Variants in SH3GL2 observed in about 807,000 individuals in gnomAD.
SH3GL2 encodes the protein SH3 domain containing GRB2 like 2, endophilin A1.
SH3GL2 carries 24 observed loss-of-function variants against 46.0 expected under a neutral mutation model. That is an observed-to-expected ratio of 0.52 (90% CI 0.38 to 0.73). The LOEUF is 0.73. SH3GL2 is among the 30% of genes least tolerant of loss of function. SH3GL2 has a pLI of 0.00. For synonymous variants in SH3GL2, 196 were observed against 147.1 expected (o/e 1.33, Z -2.40); for missense variants, 413 against 424.2 (o/e 0.97, Z 0.23).
chr9:17,739,703 G>T (rs1822468652), intron 1 of SH3GL2, among the ~76,000 whole-genome samples: 1 of 152,166 alleles, frequency 6.6e-6, no homozygotes, highest in African/African-American at 2.4e-5. Context: ...GAAACTGTGG[G>T]TAATATGTAG....
chr9:17,579,173 C>T lies in SH3GL2; in HGVS notation c.-70C>T. ...AGGCGGCCAGGGGAGCGCGCCGCCC[C>T]GCTCGGCCCTCCAGTCCCCCTCCGC... On this transcript the variant is annotated 5_prime_UTR_variant, in exon 1 of 9. Transcript: ENST00000380607. 1.7e-6 allele frequency: 2 copies of T among 1,193,918 alleles called. No individual in the cohort carries two copies. The highest frequency in any genetic ancestry group is 2.9e-5 in the South Asian group (2 of 69,218). The allele number at this position is 1,193,918 out of a possible 1,614,324, so 74.0% of individuals were successfully genotyped here. A position where few individuals can be genotyped will look rare whatever the true frequency, so the allele number is the denominator to read the frequency against.
At chr9:17,736,818 T>C (rs1822350350) in intron 1 of SH3GL2, among the ~76,000 whole-genome samples, 1 of 152,112 alleles carries the variant, frequency 6.6e-6, no homozygotes. Flanking sequence ...GTACTTTTCA[T>C]GAGCATTGCC....
At chr9:17,760,454 A>G (rs867011854) in intron 2 of SH3GL2, among the ~76,000 whole-genome samples, 1 of 151,988 alleles carries the variant, frequency 6.6e-6, no homozygotes, top group East Asian at 1.9e-4. Context: ...ATATATTGGT[A>G]TATACTGATA....
rs182982195 is a variant in SH3GL2 at position 17,728,763 on chromosome 9, A to G, written c.46-18303A>G. Among the ~76,000 whole-genome samples, 77 of 152,238 alleles carry G rather than the reference A, an allele frequency of 5.1e-4. No individual in the cohort carries two copies. The Middle Eastern group carries it at 0.014, about 27-fold the overall frequency. On this transcript the variant is annotated intron_variant, in intron 1 of 8. Coordinates refer to ENST00000380607, the MANE Select transcript of SH3GL2 (RefSeq NM_003026.5). ...TTCTAGTGTTGGTTTGCTGAGAATGATGGTTTCCATCCTCATCCATGTCTC... is the reference window on the plus strand; with the variant it reads ...TTCTAGTGTTGGTTTGCTGAGAATGGTGGTTTCCATCCTCATCCATGTCTC...
intron 1 of SH3GL2, among the ~76,000 whole-genome samples, chr9:17,713,875 A>G (rs1821687729): frequency 1.3e-5 from 2 of 151,684 alleles, no homozygotes; most frequent in African/African-American, 4.8e-5. Flanking sequence ...GGAGTCTTTT[A>G]TAAATGTTAA....
rs957245511 is a variant in SH3GL2, at chr9:17,727,071, G to T, written c.46-19995G>T. ...CATAAAACAACCCAAATAGGTATCA[G>T]TGGGGAAATGGAGAAGTAAATGTTA... On this transcript the variant is annotated intron_variant, in intron 1 of 8. Transcript: ENST00000380607. Among the ~76,000 whole-genome samples the T allele has an allele frequency of 3.3e-5, 5 of 152,156 alleles. No individual in the cohort carries two copies. In the East Asian group the frequency reaches 9.7e-4, roughly 29 times the overall value.
Position 17,777,885 on chromosome 9 carries a change from C to G in SH3GL2, c.188-8496C>G, listed in dbSNP as rs146620771. Reference sequence around the variant, plus strand: ...GCAGTCTTCTTACCTTTTTTACATTCATCACTTACCAACTCTATTCCTTTA... The same window carrying G: ...GCAGTCTTCTTACCTTTTTTACATTGATCACTTACCAACTCTATTCCTTTA... On this transcript the variant is annotated intron_variant, in intron 3 of 8. Transcript: ENST00000380607. 2.0e-3 allele frequency among the ~76,000 whole-genome samples: 299 copies of G among 152,108 alleles called. 2 individuals are homozygous for G. The highest frequency in any genetic ancestry group is 6.7e-3 in the African/African-American group (276 of 41,500).
At chr9:17,743,936 T>G (rs1021099942) in intron 1 of SH3GL2, among the ~76,000 whole-genome samples, 1 of 152,212 alleles carries the variant, frequency 6.6e-6, no homozygotes, top group Non-Finnish European at 1.5e-5. Flanking sequence ...TGTGTGTCTG[T>G]TTTTTAAATG....
rs557597701 is a variant in SH3GL2 at position 17,679,101 on chromosome 9, A to T, written c.46-67965A>T. ...GCTTTGTTCTTTTGGCTTAGGATTGACTTGGCAATGCGGGCTCTTTTTTGG... is the reference window on the plus strand; with the variant it reads ...GCTTTGTTCTTTTGGCTTAGGATTGTCTTGGCAATGCGGGCTCTTTTTTGG... On this transcript the variant is annotated intron_variant, in intron 1 of 8. Coordinates refer to ENST00000380607, the MANE Select transcript of SH3GL2 (RefSeq NM_003026.5). Among the ~76,000 whole-genome samples, 1,018 of 152,140 alleles carry T rather than the reference A, an allele frequency of 6.7e-3. 18 individuals are homozygous for T. The highest frequency in any genetic ancestry group is 0.024 in the African/African-American group (976 of 41,500).
chr9:17,753,540 AT>A (rs1822906884), intron 2 of SH3GL2, among the ~76,000 whole-genome samples: 1 of 152,082 alleles, frequency 6.6e-6, no homozygotes. Flanking sequence ...TTTCTTGTAA[AT>A]TTCTTTAAGT....
At chr9:17,668,555 A>C (rs930797828) in intron 1 of SH3GL2, among the ~76,000 whole-genome samples, 3 of 152,214 alleles carry the variant, frequency 2.0e-5, no homozygotes, top group African/African-American at 7.2e-5. Flanking sequence ...GAGCTAAAGA[A>C]AGTTTTTTCC....
intron 5 of SH3GL2, among the ~76,000 whole-genome samples, chr9:17,788,540 A>G (rs1824027476): frequency 6.6e-6 from 1 of 152,116 alleles, no homozygotes; most frequent in Non-Finnish European, 1.5e-5. Flanking sequence ...ATCCATTAGT[A>G]GTGAAAGACT....
chr9:17,759,969 C>G (rs1414818647), intron 2 of SH3GL2, among the ~76,000 whole-genome samples: 1 of 152,146 alleles, frequency 6.6e-6, no homozygotes, highest in Non-Finnish European at 1.5e-5. Context: ...TGATCCATTT[C>G]CCTGGCATAA....
At chr9:17,783,041 C>G (rs952397838) in intron 3 of SH3GL2, among the ~76,000 whole-genome samples, 6 of 152,126 alleles carry the variant, frequency 3.9e-5, no homozygotes, top group Non-Finnish European at 8.8e-5. Context: ...CCAGAACACA[C>G]ACACAGACAG....
chr9:17,711,415 G>A (rs1237415062), intron 1 of SH3GL2, among the ~76,000 whole-genome samples: 2 of 151,790 alleles, frequency 1.3e-5, no homozygotes, highest in Non-Finnish European at 2.9e-5. Context: ...AATCCAGAAA[G>A]CGAACAGAAT....
intron 1 of SH3GL2, among the ~76,000 whole-genome samples, chr9:17,587,486 A>G (rs1818401086): frequency 6.6e-6 from 1 of 152,198 alleles, no homozygotes; most frequent in African/African-American, 2.4e-5. Context: ...ATAACTTTTC[A>G]GTCAACTTCC....
intron 1 of SH3GL2, among the ~76,000 whole-genome samples, chr9:17,610,042 C>T (rs1474654092): frequency 6.6e-6 from 1 of 151,818 alleles, no homozygotes; most frequent in East Asian, 1.9e-4. Flanking sequence ...TTTCCTAAAT[C>T]GGTCAATGTA....
At chr9:17,706,536 G>A (rs1285860749) in intron 1 of SH3GL2, among the ~76,000 whole-genome samples, 1 of 151,900 alleles carries the variant, frequency 6.6e-6, no homozygotes, top group Non-Finnish European at 1.5e-5. Context: ...TCTTGCCATG[G>A]TAAACTTTTA....
At position 17,793,427 on chromosome 9, in the gene SH3GL2, G is replaced by A. The variant is rs746390310; in HGVS notation, c.789G>A (p.Leu263=). ...REYQPKPRMS[L]EFPTGDSTQP... ...ATCAACCTAAACCACGAATGAGCCT[G>A]GAGTTTCCAACTGGAGACAGTACTC... The change falls in exon 8 of 9, where the codon CTG becomes CTA. Residue 263 remains leucine (L), a synonymous_variant. Transcript: ENST00000380607. The A allele has an allele frequency of 6.2e-7, 1 of 1,612,432 alleles. No homozygotes were observed. Among genetic ancestry groups the A allele is most frequent in the South Asian group, 1.1e-5 (1 of 90,722 alleles).
Sources: gnomAD v4.1 joint callset for allele counts (sites outside exome capture counted in the v4.1 genomes callset) on GRCh38, gnomAD v4.1.1 for gene constraint, MANE v1.5 for transcripts, NCBI Gene and HGNC (gene_info 2026-07-23, HGNC 2026-07-21) for gene names.